The following ZBTB20 variants were observed in gnomAD, a reference collection of about 807,000 sequenced individuals.
ZBTB20 encodes zinc finger and BTB domain-containing protein 20.
Under a neutral mutation model 56.9 loss-of-function variants are expected in ZBTB20, and 9 were observed. That is an observed-to-expected ratio of 0.16 (90% CI 0.10 to 0.28). The LOEUF (loss-of-function observed/expected upper bound fraction) is 0.28, where lower values mean the gene tolerates loss of function less well. ZBTB20 is among the 10% of genes least tolerant of loss of function. The probability of loss-of-function intolerance (pLI) is 1.00; values close to 1 mark genes in which losing one functional copy is unlikely to be tolerated. For missense variants in ZBTB20, 655 were observed against 1,003.0 expected (o/e 0.65, Z 4.69); for synonymous variants, 417 against 420.7 (o/e 0.99, Z 0.11).
At chr3:114,572,540 T>C (rs1393498449) in intron 6 of ZBTB20, among the ~76,000 whole-genome samples, 2 of 152,218 alleles carry the variant, frequency 1.3e-5, no homozygotes, top group Non-Finnish European at 2.9e-5. Context: ...CAAATGGTTC[T>C]GGGTTAACTT....
At chr3:114,433,813 G>A (rs1385826042) in intron 7 of ZBTB20, among the ~76,000 whole-genome samples, 1 of 152,124 alleles carries the variant, frequency 6.6e-6, no homozygotes, top group African/African-American at 2.4e-5. Context: ...AGTCCTCCTG[G>A]CTATAGAACC....
intron 6 of ZBTB20, among the ~76,000 whole-genome samples, chr3:114,561,114 T>G (rs760145443): frequency 7.2e-5 from 11 of 152,228 alleles, no homozygotes; most frequent in Non-Finnish European, 1.3e-4. Flanking sequence ...AGTATGAAAG[T>G]ACAACAATTC....
At chr3:114,686,060 G>A (rs1292783248) in intron 6 of ZBTB20, among the ~76,000 whole-genome samples, 1 of 152,096 alleles carries the variant, frequency 6.6e-6, no homozygotes, top group Non-Finnish European at 1.5e-5. Flanking sequence ...AAGTGAATCA[G>A]CTGCTAAGTG....
Position 115,047,905 on chromosome 3 carries a change from A to G in ZBTB20, c.-507+23314T>C, listed in dbSNP as rs370120635. On this transcript the variant is annotated intron_variant, in intron 2 of 11. Transcript: ENST00000675478. ...ATATTCATGATTTTGCAATAAACAAAACTAATACTTATTAAGAGCTAAGAA... is the reference window on the plus strand; with the variant it reads ...ATATTCATGATTTTGCAATAAACAAGACTAATACTTATTAAGAGCTAAGAA... Among the ~76,000 whole-genome samples, 63 of 152,234 alleles carry G rather than the reference A, an allele frequency of 4.1e-4. No homozygotes were observed. The South Asian group carries it at 9.1e-3, about 22-fold the overall frequency.
intron 6 of ZBTB20, among the ~76,000 whole-genome samples, chr3:114,534,728 G>A (rs191036100): frequency 2.0e-5 from 3 of 152,134 alleles, no homozygotes; most frequent in Admixed American, 6.5e-5. Flanking sequence ...AAAACTGACC[G>A]CATAATTGGA....
chr3:114,380,814 C>A lies in ZBTB20; in HGVS notation c.-27G>T. 6.7e-7 allele frequency: 1 copy of A among 1,502,570 alleles called. No homozygotes were observed. The highest frequency in any genetic ancestry group is 8.8e-7 in the Non-Finnish European group (1 of 1,134,362). The allele number at this position is 1,502,570 out of a possible 1,614,324, so 93.1% of individuals were successfully genotyped here. A position where few individuals can be genotyped will look rare whatever the true frequency, so the allele number is the denominator to read the frequency against. On this transcript the variant is annotated 5_prime_UTR_variant, in exon 9 of 12. Transcript: ENST00000675478. ...TGTCAGGAAGCTTAGAGACAGGACT[C>A]GTGGAGTAATGGGAGGAGCACTGGA...
At chr3:114,415,539 A>G (rs569979830) in intron 7 of ZBTB20, among the ~76,000 whole-genome samples, 6 of 152,242 alleles carry the variant, frequency 3.9e-5, no homozygotes, top group African/African-American at 1.2e-4. Context: ...CTCGGTTAGA[A>G]CATAGGTTTA....
chr3:114,879,902 C>A (rs1008802091), intron 4 of ZBTB20, among the ~76,000 whole-genome samples: 1 of 152,138 alleles, frequency 6.6e-6, no homozygotes, highest in African/African-American at 2.4e-5. Context: ...TTTACACACA[C>A]CTGCTGGGTT....
At chr3:114,598,935 G>T (rs59601171) in intron 6 of ZBTB20, among the ~76,000 whole-genome samples, 20,131 of 151,948 alleles carry the variant, frequency 0.13, 1,943 homozygotes, top group African/African-American at 0.27. Flanking sequence ...GCTTTGTACA[G>T]TGTAAGTAAG....
At chr3:114,947,528 A>T (rs552780599) in intron 3 of ZBTB20, among the ~76,000 whole-genome samples, 1 of 146,244 alleles carries the variant, frequency 6.8e-6, no homozygotes, top group Admixed American at 6.6e-5. Context: ...AGTGGAGGCC[A>T]CTATTGTAAG....
At chr3:114,460,731 A>C (rs138354848) in intron 7 of ZBTB20, among the ~76,000 whole-genome samples, 1 of 152,198 alleles carries the variant, frequency 6.6e-6, no homozygotes, top group Non-Finnish European at 1.5e-5. Flanking sequence ...ATTTGTTATA[A>C]CAGCCATAGG....
chr3:114,521,954 A>G (rs1406312535), intron 6 of ZBTB20, among the ~76,000 whole-genome samples: 1 of 152,202 alleles, frequency 6.6e-6, no homozygotes, highest in Non-Finnish European at 1.5e-5. Context: ...TACAACGAAT[A>G]TTTACTGAAC....
intron 5 of ZBTB20, among the ~76,000 whole-genome samples, chr3:114,755,966 G>C (rs991253471): frequency 1.3e-5 from 2 of 152,150 alleles, no homozygotes; most frequent in Non-Finnish European, 1.5e-5. Flanking sequence ...AAAGGCAACT[G>C]TATAGCACTT....
chr3:114,577,340 G>C (rs2054189828), intron 6 of ZBTB20, among the ~76,000 whole-genome samples: 1 of 151,886 alleles, frequency 6.6e-6, no homozygotes. Flanking sequence ...TTCAGTTTGT[G>C]AAAAACTCAA....
intron 4 of ZBTB20, among the ~76,000 whole-genome samples, chr3:114,886,732 A>T (rs1186953379): frequency 6.6e-6 from 1 of 152,230 alleles, no homozygotes; most frequent in Admixed American, 6.5e-5. Context: ...TCAGTAGTTT[A>T]AAAAAGTATG....
At chr3:114,900,097 T>G (rs1187120799) in intron 4 of ZBTB20, among the ~76,000 whole-genome samples, 1 of 152,172 alleles carries the variant, frequency 6.6e-6, no homozygotes, top group Non-Finnish European at 1.5e-5. Flanking sequence ...TATCAAATCT[T>G]AGAAATGTTT....
chr3:114,586,315 T>A (rs1040695859), intron 6 of ZBTB20, among the ~76,000 whole-genome samples: 1 of 152,228 alleles, frequency 6.6e-6, no homozygotes, highest in African/African-American at 2.4e-5. Context: ...TCTAGTTTAT[T>A]GGAATGACTA....
chr3:114,999,750 C>A (rs145907507), intron 2 of ZBTB20, among the ~76,000 whole-genome samples: 4 of 151,636 alleles, frequency 2.6e-5, no homozygotes, highest in African/African-American at 9.7e-5. Flanking sequence ...TATACTACCA[C>A]CTCTCCAAGC....
At chr3:115,127,992 C>T (rs2084381322) in intron 1 of ZBTB20, among the ~76,000 whole-genome samples, 1 of 152,006 alleles carries the variant, frequency 6.6e-6, no homozygotes, top group Non-Finnish European at 1.5e-5. Context: ...GTGTTCTCTA[C>T]AAAACTGCAA....
Sources: gnomAD v4.1 joint callset for allele counts (sites outside exome capture counted in the v4.1 genomes callset) on GRCh38, gnomAD v4.1.1 for gene constraint, MANE v1.5 for transcripts, NCBI Gene and HGNC (gene_info 2026-07-23, HGNC 2026-07-21) for gene names.